SLC1A1: variants seen among roughly 807,000 people sequenced by gnomAD.
SLC1A1 encodes excitatory amino acid transporter 3.
In SLC1A1, 43 loss-of-function variants were observed where a neutral mutation model predicts 53.3. That is an observed-to-expected ratio of 0.81 (90% CI 0.63 to 1.04). The LOEUF is 1.04. SLC1A1 is among the 50% of genes least tolerant of loss of function. The pLI is 0.00. For missense variants in SLC1A1, 748 were observed against 664.9 expected, an observed-to-expected ratio of 1.12 and a Z score of -1.37; for synonymous variants, 307 against 243.2, an observed-to-expected ratio of 1.26 and a Z score of -2.44.
intron 7 of SLC1A1, among the ~76,000 whole-genome samples, chr9:4,573,279 T>G (rs551087048): frequency 6.6e-6 from 1 of 152,204 alleles, no homozygotes; most frequent in Admixed American, 6.5e-5. Context: ...CTGACAGTGA[T>G]GTAAAGGGTT....
Position 4,566,104 on chromosome 9 carries a change from T to C in SLC1A1, c.483+15T>C. ...GTTTTCAGCAGGTAATATTAATTACTTGTGCCCTTAACTTGCTACCCTCTT... is the reference window on the plus strand; with the variant it reads ...GTTTTCAGCAGGTAATATTAATTACCTGTGCCCTTAACTTGCTACCCTCTT... On this transcript the variant is annotated intron_variant, in intron 5 of 11. Transcript: ENST00000262352. 1 of 1,606,054 alleles carries C rather than the reference T, an allele frequency of 6.2e-7. No individual in the cohort carries two copies. Among genetic ancestry groups the C allele is most frequent in the South Asian group, 1.1e-5 (1 of 90,896 alleles).
intron 6 of SLC1A1, among the ~76,000 whole-genome samples, chr9:4,569,698 G>C (rs937252324): frequency 6.6e-6 from 1 of 152,202 alleles, no homozygotes; most frequent in Non-Finnish European, 1.5e-5. Flanking sequence ...TCCTCTGGCT[G>C]AGTTCAGAGG....
intron 1 of SLC1A1, among the ~76,000 whole-genome samples, chr9:4,516,587 C>G (rs1178561052): frequency 6.6e-6 from 1 of 152,168 alleles, no homozygotes; most frequent in Admixed American, 6.5e-5. Flanking sequence ...ACTTCCAATC[C>G]CATGGGCTTC....
intron 1 of SLC1A1, among the ~76,000 whole-genome samples, chr9:4,491,799 G>T (rs915049906): frequency 6.6e-6 from 1 of 152,230 alleles, no homozygotes; most frequent in African/African-American, 2.4e-5. Context: ...AACTGCAGCT[G>T]TGTTTGCTGA....
chr9:4,543,346 A>G (rs1817178484), intron 1 of SLC1A1, among the ~76,000 whole-genome samples: 1 of 152,228 alleles, frequency 6.6e-6, no homozygotes, highest in Admixed American at 6.5e-5. Flanking sequence ...AGGAAAAAAG[A>G]TGCAAAAGTC....
intron 1 of SLC1A1, among the ~76,000 whole-genome samples, chr9:4,503,209 C>G (rs1033012817): frequency 6.6e-6 from 1 of 151,798 alleles, no homozygotes; most frequent in African/African-American, 2.4e-5. Flanking sequence ...CTCTTCACTA[C>G]TGAGCTCTGT....
intron 1 of SLC1A1, among the ~76,000 whole-genome samples, chr9:4,499,702 T>C (rs1336306193): frequency 6.6e-6 from 1 of 152,252 alleles, no homozygotes; most frequent in African/African-American, 2.4e-5. Context: ...TGAGGAAGAC[T>C]GAATATAAAT....
chr9:4,532,428 G>A (rs1586720139), intron 1 of SLC1A1, among the ~76,000 whole-genome samples: 1 of 152,126 alleles, frequency 6.6e-6, no homozygotes, highest in South Asian at 2.1e-4. Flanking sequence ...ACAAGCCTCA[G>A]TAGCCGATTC....
chr9:4,586,422 G>C lies in SLC1A1; in HGVS notation c.*864G>C, dbSNP rs886151101. ...CATGTTGTTCGATCGTTTCACATCT[G>C]TATATCAGCTCTAAAGCAGAGATGT... On this transcript the variant is annotated 3_prime_UTR_variant, in exon 12 of 12. Transcript: ENST00000262352. 1.3e-5 allele frequency: 2 copies of C among 152,108 alleles called. No individual in the cohort carries two copies. The highest frequency in any genetic ancestry group is 4.8e-5 in the African/African-American group (2 of 41,424). 9.4% of individuals were successfully genotyped at this position (152,108 alleles called of 1,614,324 possible). A position where few individuals can be genotyped will look rare whatever the true frequency, so the allele number is the denominator to read the frequency against.
At chr9:4,535,652 C>G (rs1436790538) in intron 1 of SLC1A1, among the ~76,000 whole-genome samples, 4 of 152,092 alleles carry the variant, frequency 2.6e-5, no homozygotes, top group African/African-American at 9.7e-5. Flanking sequence ...TTTATAGATT[C>G]AATGCCATCC....
intron 2 of SLC1A1, among the ~76,000 whole-genome samples, chr9:4,557,383 C>T (rs1818511620): frequency 6.6e-6 from 1 of 152,224 alleles, no homozygotes; most frequent in Admixed American, 6.5e-5. Context: ...ATAGTTTGTT[C>T]ATTCGACATT....
chr9:4,581,342 G>C (rs1472522540), intron 10 of SLC1A1, among the ~76,000 whole-genome samples: 4 of 152,296 alleles, frequency 2.6e-5, no homozygotes, highest in African/African-American at 7.2e-5. Context: ...CTAACTCAAA[G>C]TAGAATATGT....
chr9:4,528,726 A>G (rs185162041), intron 1 of SLC1A1, among the ~76,000 whole-genome samples: 1 of 152,186 alleles, frequency 6.6e-6, no homozygotes, highest in Non-Finnish European at 1.5e-5. Flanking sequence ...CCTAACCTTA[A>G]CAGTACATGC....
intron 1 of SLC1A1, among the ~76,000 whole-genome samples, chr9:4,530,957 C>T (rs1437259587): frequency 6.6e-6 from 1 of 152,186 alleles, no homozygotes; most frequent in Non-Finnish European, 1.5e-5. Flanking sequence ...AAGTCAGCAA[C>T]ATTCAGCAAA....
chr9:4,585,621 C>G lies in SLC1A1; in HGVS notation c.*63C>G. On this transcript the variant is annotated 3_prime_UTR_variant, in exon 12 of 12. Transcript: ENST00000262352. The stretch of plus-strand genomic sequence containing the variant: ...ATTTCCGTGAGAGTCATCTCAAACA[C>G]TGCTTAAGGAAAAGAGAAACACTAA... 4 of 1,591,230 alleles carry G rather than the reference C, an allele frequency of 2.5e-6. No homozygotes were observed. The highest frequency in any genetic ancestry group is 3.4e-6 in the Non-Finnish European group (4 of 1,159,854).
At chr9:4,496,265 A>C (rs7852072) in intron 1 of SLC1A1, among the ~76,000 whole-genome samples, 3 of 152,032 alleles carry the variant, frequency 2.0e-5, no homozygotes, top group Non-Finnish European at 4.4e-5. Flanking sequence ...CTGAGGAGGA[A>C]GTTCAACAGC....
intron 11 of SLC1A1, 101 bp from the exon 12 acceptor site, chr9:4,585,211 T>TA: frequency 6.7e-7 from 1 of 1,503,600 alleles, no homozygotes; most frequent in South Asian, 1.1e-5. Flanking sequence ...TTTCTGCACT[T>TA]ACTGAAATCT....
intron 2 of SLC1A1, among the ~76,000 whole-genome samples, chr9:4,545,818 T>G (rs1217088175): frequency 6.6e-6 from 1 of 152,234 alleles, no homozygotes; most frequent in African/African-American, 2.4e-5. Flanking sequence ...GAGATGAATT[T>G]GGTTTACAAA....
intron 1 of SLC1A1, among the ~76,000 whole-genome samples, chr9:4,514,895 C>CACTTT (rs1821113023): frequency 6.6e-6 from 1 of 152,112 alleles, no homozygotes. Flanking sequence ...GGCCATCACT[C>CACTTT]ACTTTACATT....
Sources: gnomAD v4.1 joint callset for allele counts (sites outside exome capture counted in the v4.1 genomes callset) on GRCh38, gnomAD v4.1.1 for gene constraint, MANE v1.5 for transcripts, NCBI Gene and HGNC (gene_info 2026-07-23, HGNC 2026-07-21) for gene names.